The following PPARGC1B variants were observed in gnomAD, a reference collection of about 807,000 sequenced individuals.
PPARGC1B encodes PPARG coactivator 1 beta.
In PPARGC1B, 34 loss-of-function variants were observed where a neutral mutation model predicts 101.6. The observed-to-expected ratio is 0.33, with a 90% CI of 0.25 to 0.45. PPARGC1B has a LOEUF of 0.45. Ranked by LOEUF, PPARGC1B falls within the 20% of genes least tolerant of loss-of-function variation. The pLI, the probability that PPARGC1B is intolerant of heterozygous loss-of-function variation, is 1.00. For missense variants in PPARGC1B, 1,234 were observed against 1,317.6 expected, an observed-to-expected ratio of 0.94 and a Z score of 0.98; for synonymous variants, 548 against 539.3, an observed-to-expected ratio of 1.02 and a Z score of -0.22.
chr5:149,851,015 G>C lies in PPARGC1B; in HGVS notation c.*3457G>C, dbSNP rs927444298. 2 of 152,014 alleles carry C rather than the reference G, an allele frequency of 1.3e-5. No individual in the cohort carries two copies. The highest frequency in any genetic ancestry group is 2.9e-5 in the Non-Finnish European group (2 of 68,026). 9.4% of individuals were successfully genotyped at this position (152,014 alleles called of 1,614,324 possible). A position where few individuals can be genotyped will look rare whatever the true frequency, so the allele number is the denominator to read the frequency against. ...CCCCTCAACCAAAAAGCTGCTTTGAGTCAAAAAGCACCCATAAGATACCTG... is the reference window on the plus strand; with the variant it reads ...CCCCTCAACCAAAAAGCTGCTTTGACTCAAAAAGCACCCATAAGATACCTG... On this transcript the variant is annotated 3_prime_UTR_variant, in exon 12 of 12. Coordinates refer to ENST00000309241, the MANE Select transcript of PPARGC1B (RefSeq NM_133263.4).
At chr5:149,785,518 A>G (rs1456554999) in intron 1 of PPARGC1B, among the ~76,000 whole-genome samples, 1 of 152,212 alleles carries the variant, frequency 6.6e-6, no homozygotes, top group Non-Finnish European at 1.5e-5. Context: ...GGCAGTTTGA[A>G]CGTCTCATAA....
At chr5:149,772,320 C>T (rs780089533) in intron 1 of PPARGC1B, among the ~76,000 whole-genome samples, 3 of 152,036 alleles carry the variant, frequency 2.0e-5, no homozygotes, top group East Asian at 1.9e-4. Context: ...TCTCGGGATG[C>T]GGTGTTTGTG....
chr5:149,811,610 A>G (rs1757869938), intron 1 of PPARGC1B, among the ~76,000 whole-genome samples: 1 of 152,204 alleles, frequency 6.6e-6, no homozygotes, highest in African/African-American at 2.4e-5. Context: ...GTGTTATTAC[A>G]GGAGAGGGTG....
intron 1 of PPARGC1B, among the ~76,000 whole-genome samples, chr5:149,794,365 A>G (rs1216737614): frequency 2.6e-5 from 4 of 152,210 alleles, no homozygotes; most frequent in African/African-American, 7.2e-5. Context: ...TAACTCTTGA[A>G]TATCCACATG....
At position 149,833,076 on chromosome 5, in the gene PPARGC1B, GCCT is replaced by G. The variant is rs777972517; in HGVS notation, c.1007_1009del (p.Ser336del). 9.9e-6 allele frequency: 16 copies of G among 1,613,918 alleles called. No homozygotes were observed. In the Admixed American group the frequency reaches 1.8e-4, roughly 18 times the overall value. Reference sequence around the variant, plus strand: ...GCCCTGGTCCCGGCACCACTCCAAAGCCTCCTGGGCTGAGTTCTCCATTCTGAG... The same window carrying G: ...GCCCTGGTCCCGGCACCACTCCAAAGCCTGGGCTGAGTTCTCCATTCTGAG... On this transcript the variant is annotated inframe_deletion, in exon 5 of 12. Coordinates refer to ENST00000309241, the MANE Select transcript of PPARGC1B (RefSeq NM_133263.4). The surrounding 1 kb of genome is among the most constrained non-coding windows in gnomAD (Gnocchi z 4.1).
intron 9 of PPARGC1B, among the ~76,000 whole-genome samples, chr5:149,841,006 G>GGGC (rs1430910046): frequency 1.3e-5 from 2 of 152,170 alleles, no homozygotes; most frequent in Non-Finnish European, 2.9e-5. Flanking sequence ...GCACAGTTCT[G>GGGC]GGCGTTGGAG....
rs1456258923 is a variant in PPARGC1B, at chr5:149,840,742, G to A, written c.2694+626G>A. On this transcript the variant is annotated intron_variant, in intron 9 of 11. Transcript: ENST00000309241. Reference sequence around the variant, plus strand: ...AGAAAACACATCAGGGGCCTGGAGTGGGGAGCTGGAGCTGGCCAGCTAGGC... The same window carrying A: ...AGAAAACACATCAGGGGCCTGGAGTAGGGAGCTGGAGCTGGCCAGCTAGGC... Among the ~76,000 whole-genome samples the A allele has an allele frequency of 2.0e-5, 3 of 152,208 alleles. No individual in the cohort carries two copies. The East Asian group carries it at 5.8e-4, about 29-fold the overall frequency.
intron 2 of PPARGC1B, among the ~76,000 whole-genome samples, chr5:149,821,339 G>C (rs1378884524): frequency 1.3e-5 from 2 of 152,166 alleles, no homozygotes; most frequent in East Asian, 3.9e-4. Flanking sequence ...GCATGTAATG[G>C]CTAGCATTTC....
At chr5:149,839,969 G>A in intron 8 of PPARGC1B, 72 bp from the exon 9 acceptor site, 1 of 1,471,256 alleles carries the variant, frequency 6.8e-7, no homozygotes, top group Non-Finnish European at 9.5e-7. Context: ...CTTGCGTCCT[G>A]GAGCAGATCC....
At chr5:149,793,086 T>C (rs1757080812) in intron 1 of PPARGC1B, among the ~76,000 whole-genome samples, 1 of 151,406 alleles carries the variant, frequency 6.6e-6, no homozygotes, top group Admixed American at 6.6e-5. Flanking sequence ...AGGTAGAGAG[T>C]GTGTTCTCCA....
chr5:149,806,080 A>G (rs1339916334), intron 1 of PPARGC1B, among the ~76,000 whole-genome samples: 1 of 152,102 alleles, frequency 6.6e-6, no homozygotes, highest in Admixed American at 6.5e-5. Context: ...GGCCTGGGTT[A>G]TTGGGGAACT....
At chr5:149,839,487 G>C (rs968980463) in intron 8 of PPARGC1B, among the ~76,000 whole-genome samples, 2 of 152,248 alleles carry the variant, frequency 1.3e-5, no homozygotes, top group Non-Finnish European at 2.9e-5. Context: ...TAATGAGCCT[G>C]ATAGCTAGCC....
At chr5:149,825,979 C>T (rs957525136) in intron 2 of PPARGC1B, among the ~76,000 whole-genome samples, 2 of 152,336 alleles carry the variant, frequency 1.3e-5, no homozygotes, top group Non-Finnish European at 1.5e-5. Flanking sequence ...GTTTACTCAT[C>T]TAGTCCTCAG....
chr5:149,780,779 G>GT (rs1410810663), intron 1 of PPARGC1B, among the ~76,000 whole-genome samples: 1 of 152,230 alleles, frequency 6.6e-6, no homozygotes. Context: ...TAAAGCAGGT[G>GT]TTCTTCCACA....
intron 1 of PPARGC1B, among the ~76,000 whole-genome samples, chr5:149,775,738 G>C (rs746154816): frequency 1.3e-5 from 2 of 152,154 alleles, no homozygotes; most frequent in African/African-American, 4.8e-5. Context: ...TCCTAGGATG[G>C]GAGCCAGGAA....
intron 1 of PPARGC1B, among the ~76,000 whole-genome samples, chr5:149,766,901 T>G (rs1185724049): frequency 6.6e-6 from 1 of 152,196 alleles, no homozygotes; most frequent in Non-Finnish European, 1.5e-5. Context: ...TTTGAGAACC[T>G]GCATCTGGAA....
At chr5:149,826,340 A>G (rs116502283) in intron 2 of PPARGC1B, among the ~76,000 whole-genome samples, 2,528 of 152,220 alleles carry the variant, frequency 0.017, 29 homozygotes, top group Non-Finnish European at 0.025. Flanking sequence ...TGGGGGAGGT[A>G]GGCGTCACTC....
Position 149,730,505 on chromosome 5 carries a change from G to A in PPARGC1B, c.78+85G>A. 2.6e-6 allele frequency: 3 copies of A among 1,149,710 alleles called. No homozygotes were observed. The South Asian group carries it at 4.9e-5, about 19-fold the overall frequency. The allele number at this position is 1,149,710 out of a possible 1,614,324, so 71.2% of individuals were successfully genotyped here. A position where few individuals can be genotyped will look rare whatever the true frequency, so the allele number is the denominator to read the frequency against. On this transcript the variant is annotated intron_variant, in intron 1 of 11. Transcript: ENST00000309241. The surrounding 1 kb of genome is among the most constrained non-coding windows in gnomAD (Gnocchi z 4.0). Reference sequence around the variant, plus strand: ...CTGCAGCCGCGGAGGCCGGGAGGCAGCGGTGGGAGCCCTGGGGTAACTGGG... The same window carrying A: ...CTGCAGCCGCGGAGGCCGGGAGGCAACGGTGGGAGCCCTGGGGTAACTGGG...
intron 2 of PPARGC1B, among the ~76,000 whole-genome samples, chr5:149,824,005 A>G (rs930616364): frequency 6.6e-6 from 1 of 152,124 alleles, no homozygotes; most frequent in Admixed American, 6.5e-5. Context: ...CACGCCCCCC[A>G]AAAATAATGG....
Sources: gnomAD v4.1 joint callset for allele counts (sites outside exome capture counted in the v4.1 genomes callset) on GRCh38, gnomAD v4.1.1 for gene constraint, Gnocchi (gnomAD v3.1) non-coding constraint, MANE v1.5 for transcripts, NCBI Gene and HGNC (gene_info 2026-07-23, HGNC 2026-07-21) for gene names.